Variants in RASSF8 observed in about 807,000 individuals in gnomAD.
The protein encoded by RASSF8 is Ras association domain family member 8.
A neutral mutation model predicts 48.5 loss-of-function variants in RASSF8; 22 were observed. The ratio of observed to expected loss-of-function variants is 0.45; its 90% confidence interval spans 0.32 to 0.65. RASSF8 has a LOEUF of 0.65. Ranked by LOEUF, RASSF8 falls within the 30% of genes least tolerant of loss-of-function variation. The pLI is 0.03. For missense variants in RASSF8, 418 were observed against 489.2 expected (o/e 0.85, Z 1.37); for synonymous variants, 127 against 171.5 (o/e 0.74, Z 2.03).
At chr12:26,058,914 T>C (rs772716818) in intron 3 of RASSF8, among the ~76,000 whole-genome samples, 12 of 152,232 alleles carry the variant, frequency 7.9e-5, no homozygotes, top group African/African-American at 1.2e-4. Context: ...AACCTCTTCT[T>C]GGCATGAAGT....
chr12:26,020,392 C>T (rs1317146189), intron 2 of RASSF8: 3 of 152,104 alleles, frequency 2.0e-5, no homozygotes, highest in African/African-American at 7.2e-5. Flanking sequence ...TTTTATGCTC[C>T]CCCAGTTTGT....
intron 2 of RASSF8, among the ~76,000 whole-genome samples, chr12:26,051,988 TCA>T (rs1222177324): frequency 6.6e-6 from 1 of 152,098 alleles, no homozygotes; most frequent in Non-Finnish European, 1.5e-5. Flanking sequence ...CCAACAAAAC[TCA>T]CAAAAAACAT....
chr12:25,973,812 A>G (rs1941538834), intron 1 of RASSF8: 2 of 152,268 alleles, frequency 1.3e-5, no homozygotes, highest in East Asian at 3.9e-4. Context: ...CCCTTGCCAG[A>G]CACCTGATCC....
At position 26,032,711 on chromosome 12, in the gene RASSF8, C is replaced by T. The variant is rs1016833547; in HGVS notation, c.-108-22525C>T. Among the ~76,000 whole-genome samples the T allele has an allele frequency of 2.6e-5, 4 of 152,034 alleles. No individual in the cohort carries two copies. The South Asian group carries it at 6.2e-4, about 24-fold the overall frequency. On this transcript the variant is annotated intron_variant, in intron 2 of 5. Transcript: ENST00000689635. ...TAGATTTCATTAGCATGCGTAATGC[C>T]CAGTTTCCATACCCATCTATAATCA...
At chr12:25,988,330 A>C (rs1441316648) in intron 1 of RASSF8, among the ~76,000 whole-genome samples, 1 of 152,184 alleles carries the variant, frequency 6.6e-6, no homozygotes, top group African/African-American at 2.4e-5. Flanking sequence ...CAGGTCTTTA[A>C]AAGCAATCTT....
At chr12:26,022,022 GCTCC>G (rs1346961414) in intron 2 of RASSF8, among the ~76,000 whole-genome samples, 1 of 152,160 alleles carries the variant, frequency 6.6e-6, no homozygotes, top group African/African-American at 2.4e-5. Flanking sequence ...TAAGAAGAGC[GCTCC>G]CTCTTGAGGG....
At chr12:26,054,217 T>C (rs1943552761) in intron 2 of RASSF8, among the ~76,000 whole-genome samples, 1 of 152,166 alleles carries the variant, frequency 6.6e-6, no homozygotes, top group Non-Finnish European at 1.5e-5. Context: ...AGAATTTACA[T>C]AGGAAGAGTT....
chr12:26,035,455 AAATTATATAATTATATTATAT>A (rs1943119083), intron 2 of RASSF8, among the ~76,000 whole-genome samples: 1 of 82,586 alleles, frequency 1.2e-5, no homozygotes, highest in Non-Finnish European at 2.7e-5. Flanking sequence ...TAAGTATATG[AAATTATATAATTATATTATAT>A]AATTATATAA....
chr12:26,055,455 A>C lies in RASSF8; in HGVS notation c.103+9A>C. ...CTTAGCTCAAGCAATAGGTGAGTGA[A>C]CTCTGTGGGTATCTGAGAAAAGTAC... On this transcript the variant is annotated intron_variant, in intron 3 of 5. Coordinates refer to ENST00000689635, the MANE Select transcript of RASSF8 (RefSeq NM_001394098.1). 6.3e-7 allele frequency: 1 copy of C among 1,599,936 alleles called. No individual in the cohort carries two copies. The highest frequency in any genetic ancestry group is 8.6e-7 in the Non-Finnish European group (1 of 1,167,174).
downstream of RASSF8, among the ~76,000 whole-genome samples, chr12:26,077,467 A>G (rs1202820046): frequency 9.2e-5 from 14 of 152,206 alleles, no homozygotes; most frequent in Non-Finnish European, 1.9e-4. Context: ...ATCCAGTTTC[A>G]GCTTTCTACA....
chr12:25,986,991 A>G (rs1941899776), intron 1 of RASSF8, among the ~76,000 whole-genome samples: 1 of 151,696 alleles, frequency 6.6e-6, no homozygotes, highest in Non-Finnish European at 1.5e-5. Flanking sequence ...GCTGGAGTGC[A>G]ATGGCGCAAT....
intron 2 of RASSF8, among the ~76,000 whole-genome samples, chr12:26,002,773 A>G (rs1355278960): frequency 6.6e-6 from 1 of 152,092 alleles, no homozygotes; most frequent in African/African-American, 2.4e-5. Flanking sequence ...CTCTTGCCTT[A>G]TTTCTCTGGC....
downstream of RASSF8, among the ~76,000 whole-genome samples, chr12:26,073,776 CATATATATAT>C (rs1555171943): frequency 1.7e-5 from 2 of 115,240 alleles, no homozygotes; most frequent in African/African-American, 6.9e-5. Context: ...CACACACACA[CATATATATAT>C]ACACATTATG....
chr12:26,016,209 T>TGG (rs1942645644), intron 2 of RASSF8, among the ~76,000 whole-genome samples: 6 of 147,592 alleles, frequency 4.1e-5, no homozygotes, highest in Non-Finnish European at 7.4e-5. Flanking sequence ...TTTTTGGGTT[T>TGG]TTTTTTTTTT....
At chr12:26,019,593 GTGTGTGTGTGTC>G (rs1255736527) in intron 2 of RASSF8, among the ~76,000 whole-genome samples, 2,346 of 137,058 alleles carry the variant, frequency 0.017, 31 homozygotes, top group African/African-American at 0.05. Context: ...GTGTGTGTGT[GTGTGTGTGTGTC>G]TGTGTGTGTC....
chr12:26,007,377 A>C (rs185841937), intron 2 of RASSF8, among the ~76,000 whole-genome samples: 29 of 152,356 alleles, frequency 1.9e-4, no homozygotes, highest in African/African-American at 7.0e-4. Context: ...TCTCCTCACT[A>C]GCAAATCTGT....
At chr12:26,046,156 C>T (rs966797955) in intron 2 of RASSF8, among the ~76,000 whole-genome samples, 1 of 152,186 alleles carries the variant, frequency 6.6e-6, no homozygotes, top group African/African-American at 2.4e-5. Flanking sequence ...CCACCTCTTT[C>T]TTCTCCTTAT....
In RASSF8 at chr12:26,070,633, T is replaced by C; in HGVS notation, c.*1815T>C. The C allele has an allele frequency of 1.1e-6, 1 of 952,276 alleles. No homozygotes were observed. Among genetic ancestry groups the C allele is most frequent in the Admixed American group, 6.2e-5 (1 of 16,226 alleles). 59.0% of individuals were successfully genotyped at this position (952,276 alleles called of 1,614,324 possible). The stretch of plus-strand genomic sequence containing the variant: ...TAAAATTAGGATGATTAAAAAATAA[T>C]TTATAGATTTTGTGACAGTAATGAT... On this transcript the variant is annotated 3_prime_UTR_variant, in exon 6 of 6. Transcript: ENST00000689635.
chr12:26,048,920 AT>A (rs1333682821), intron 2 of RASSF8, among the ~76,000 whole-genome samples: 3 of 150,554 alleles, frequency 2.0e-5, no homozygotes, highest in Middle Eastern at 3.2e-3. Flanking sequence ...TACCCAGCTA[AT>A]TTTTTTTTGT....
Sources: gnomAD v4.1 joint callset for allele counts (sites outside exome capture counted in the v4.1 genomes callset) on GRCh38, gnomAD v4.1.1 for gene constraint, MANE v1.5 for transcripts, NCBI Gene and HGNC (gene_info 2026-07-23, HGNC 2026-07-21) for gene names.